The following LRRC4C variants were observed in gnomAD, a reference collection of about 807,000 sequenced individuals.
LRRC4C encodes leucine-rich repeat-containing protein 4C.
Under a neutral mutation model 33.6 loss-of-function variants are expected in LRRC4C, and 5 were observed. That is an observed-to-expected ratio of 0.15 (90% confidence interval 0.08 to 0.31). The LOEUF (loss-of-function observed/expected upper bound fraction) is 0.31. Among genes scored for constraint, LRRC4C ranks in the 10% least tolerant of loss-of-function variants. The probability of loss-of-function intolerance (pLI) is 1.00; values close to 1 mark genes in which losing one functional copy is unlikely to be tolerated. For synonymous variants in LRRC4C, 329 were observed against 302.0 expected (o/e 1.09, Z -0.93); for missense variants, 560 against 796.7 (o/e 0.70, Z 3.58).
Position 40,185,234 on chromosome 11 carries a change from C to A in LRRC4C, c.-95-44381G>T, listed in dbSNP as rs1222836757. On this transcript the variant is annotated intron_variant, in intron 5 of 6. Transcript: ENST00000528697. ...TGTGTATTCATTTATAATAACTCTT[C>A]TTCAACATCACCCTTTTCTCAAGCA... 2.0e-5 allele frequency among the ~76,000 whole-genome samples: 3 copies of A among 152,154 alleles called. No homozygotes were observed. In the East Asian group the frequency reaches 5.8e-4, roughly 29 times the overall value.
chr11:40,438,752 AT>A, intron 3 of LRRC4C, among the ~76,000 whole-genome samples: 1 of 152,288 alleles, frequency 6.6e-6, no homozygotes, highest in Admixed American at 6.5e-5. Flanking sequence ...CCTACTCATA[AT>A]TTATCAAATT....
At chr11:40,595,373 C>A (rs1959211734) in intron 3 of LRRC4C, among the ~76,000 whole-genome samples, 1 of 152,006 alleles carries the variant, frequency 6.6e-6, no homozygotes, top group Non-Finnish European at 1.5e-5. Context: ...TTTGAACACT[C>A]AGAGGAGTGA....
chr11:40,854,063 A>C (rs2135769471), intron 2 of LRRC4C, among the ~76,000 whole-genome samples: 1 of 152,280 alleles, frequency 6.6e-6, no homozygotes, highest in Middle Eastern at 3.4e-3. Flanking sequence ...GGCGTCACAG[A>C]AAAAAAGAAT....
intron 3 of LRRC4C, among the ~76,000 whole-genome samples, chr11:40,566,077 T>G (rs866559405): frequency 4.8e-5 from 7 of 145,682 alleles, no homozygotes; most frequent in African/African-American, 1.7e-4. Flanking sequence ...CCTTTTCTAT[T>G]TTTACTAAGT....
At chr11:40,424,217 A>G (rs773727588) in intron 3 of LRRC4C, among the ~76,000 whole-genome samples, 3 of 152,182 alleles carry the variant, frequency 2.0e-5, no homozygotes, top group Admixed American at 1.3e-4. Flanking sequence ...GCATTTCACT[A>G]CCTCTTTCAA....
chr11:40,938,455 G>C (rs796649980), intron 1 of LRRC4C, among the ~76,000 whole-genome samples: 17 of 152,172 alleles, frequency 1.1e-4, no homozygotes, highest in African/African-American at 3.6e-4. Flanking sequence ...TAACAATGAC[G>C]ATGGCAGTAA....
intron 3 of LRRC4C, among the ~76,000 whole-genome samples, chr11:40,456,552 G>T (rs963325805): frequency 1.3e-5 from 2 of 151,944 alleles, no homozygotes; most frequent in Non-Finnish European, 2.9e-5. Flanking sequence ...AAGCTTCAAT[G>T]ATTTCTAAAT....
intron 1 of LRRC4C, among the ~76,000 whole-genome samples, chr11:41,195,166 TC>T (rs765460974): frequency 6.6e-6 from 1 of 152,092 alleles, no homozygotes; most frequent in Admixed American, 6.6e-5. Context: ...CAACTTAATT[TC>T]CCCAGGTTTT....
intron 1 of LRRC4C, among the ~76,000 whole-genome samples, chr11:41,093,362 C>G (rs1197179532): frequency 6.6e-6 from 1 of 152,212 alleles, no homozygotes; most frequent in Non-Finnish European, 1.5e-5. Flanking sequence ...ATGAATACAA[C>G]TTGCAGCAGC....
intron 3 of LRRC4C, among the ~76,000 whole-genome samples, chr11:40,533,625 T>C (rs1317650046): frequency 1.3e-5 from 2 of 152,184 alleles, no homozygotes; most frequent in African/African-American, 2.4e-5. Context: ...GTTGCTTTTT[T>C]TCTCCACACA....
chr11:41,059,214 T>TTTTTTTG, intron 1 of LRRC4C, among the ~76,000 whole-genome samples: 1 of 149,418 alleles, frequency 6.7e-6, no homozygotes, highest in South Asian at 2.1e-4. Context: ...ATAAAAGTTT[T>TTTTTTTG]TTTTTTTTTT....
intron 1 of LRRC4C, among the ~76,000 whole-genome samples, chr11:41,280,025 A>C (rs4388878): frequency 0.24 from 36,653 of 151,932 alleles, 5,297 homozygotes; most frequent in African/African-American, 0.41. Flanking sequence ...ACCTAAATAG[A>C]ATGGGTTTTA....
intron 1 of LRRC4C, among the ~76,000 whole-genome samples, chr11:41,226,998 G>A: frequency 6.6e-6 from 1 of 151,738 alleles, no homozygotes; most frequent in Admixed American, 6.6e-5. Context: ...TCCTCTGCTT[G>A]CATCTTTCTG....
intron 2 of LRRC4C, among the ~76,000 whole-genome samples, chr11:40,741,403 C>G (rs1179907356): frequency 6.6e-6 from 1 of 151,976 alleles, no homozygotes; most frequent in Non-Finnish European, 1.5e-5. Flanking sequence ...CACAGTATTG[C>G]CCTTAGAAGT....
chr11:40,835,483 AT>A (rs1257186993), intron 2 of LRRC4C, among the ~76,000 whole-genome samples: 1 of 152,104 alleles, frequency 6.6e-6, no homozygotes, highest in Admixed American at 6.6e-5. Context: ...GAATGTATGT[AT>A]TTTTTATTTG....
intron 2 of LRRC4C, among the ~76,000 whole-genome samples, chr11:40,718,507 T>A (rs914233012): frequency 6.6e-6 from 1 of 152,140 alleles, no homozygotes; most frequent in African/African-American, 2.4e-5. Context: ...AGGAATTTAC[T>A]CCATGCATAG....
intron 3 of LRRC4C, among the ~76,000 whole-genome samples, chr11:40,328,125 G>A (rs1376314041): frequency 6.6e-6 from 1 of 152,008 alleles, no homozygotes. Context: ...ACTAAAATGA[G>A]AACATTTATA....
chr11:40,575,391 GAA>G (rs58076584), intron 3 of LRRC4C, among the ~76,000 whole-genome samples: 5 of 143,986 alleles, frequency 3.5e-5, no homozygotes, highest in Non-Finnish European at 7.6e-5. Context: ...TTAATTTCAT[GAA>G]AAAAAAAAAG....
At chr11:40,558,407 C>G (rs554388895) in intron 3 of LRRC4C, among the ~76,000 whole-genome samples, 3 of 152,164 alleles carry the variant, frequency 2.0e-5, no homozygotes, top group Admixed American at 1.3e-4. Context: ...TTTCTGGCTA[C>G]ATTAGTAACA....
Sources: gnomAD v4.1 joint callset for allele counts (sites outside exome capture counted in the v4.1 genomes callset) on GRCh38, gnomAD v4.1.1 for gene constraint, MANE v1.5 for transcripts, NCBI Gene and HGNC (gene_info 2026-07-23, HGNC 2026-07-21) for gene names.